The following P3H2 variants were observed in gnomAD, a reference collection of about 807,000 sequenced individuals.
P3H2 encodes leprecan-like 1.
Under a neutral mutation model 87.0 loss-of-function variants are expected in P3H2, and 80 were observed. The observed-to-expected ratio is 0.92, with a 90% confidence interval of 0.77 to 1.11. P3H2 has a LOEUF of 1.11. Ranked by LOEUF, P3H2 falls within the 50% of genes least tolerant of loss-of-function variation. The pLI is 0.00. For missense variants in P3H2, 1,001 were observed against 923.9 expected (o/e 1.08, Z -1.08); for synonymous variants, 367 against 359.3 (o/e 1.02, Z -0.24).
In P3H2 at chr3:189,957,919, T is replaced by C; in HGVS notation, c.2120A>G (p.Glu707Gly). ...GAACATTCTTTCTCATTTTTATAGC[T>C]CATCTTTAGGGTTGATATTCAGTTC... The part of the protein sequence containing the change: ...KHELNINPKD[E>G]L The change falls in exon 15 of 15, where the codon GAG becomes GGG. Residue 707 changes from glutamate (E) to glycine (G), a missense_variant. By Grantham distance (98) the Glu-to-Gly change is moderately conservative. Coordinates refer to ENST00000319332, the MANE Select transcript of P3H2 (RefSeq NM_018192.4). 1 of 1,595,570 alleles carries C rather than the reference T, an allele frequency of 6.3e-7. No individual in the cohort carries two copies. Among genetic ancestry groups the C allele is most frequent in the South Asian group, 1.1e-5 (1 of 90,684 alleles).
chr3:190,027,581 A>C (rs900435019), intron 1 of P3H2, among the ~76,000 whole-genome samples: 1 of 151,394 alleles, frequency 6.6e-6, no homozygotes, highest in Non-Finnish European at 1.5e-5. Flanking sequence ...AATAAAGTAG[A>C]TATTTAGATA....
chr3:189,964,207 A>G, intron 13 of P3H2, 109 bp from the exon 14 acceptor site: 2 of 1,003,514 alleles, frequency 2.0e-6, no homozygotes, highest in Non-Finnish European at 3.1e-6. Context: ...GAGGCGAAGA[A>G]TAAAGGAATC....
chr3:189,991,478 T>A (rs1723874882), intron 3 of P3H2, among the ~76,000 whole-genome samples: 1 of 152,262 alleles, frequency 6.6e-6, no homozygotes, highest in Admixed American at 6.5e-5. Context: ...TAGATGGATA[T>A]ATCATCTCCT....
At chr3:190,070,110 G>C (rs976534377) in intron 1 of P3H2, among the ~76,000 whole-genome samples, 5 of 152,168 alleles carry the variant, frequency 3.3e-5, no homozygotes, top group Non-Finnish European at 7.4e-5. Context: ...AGAAAAAAAG[G>C]ATAGTTCCAA....
intron 1 of P3H2, among the ~76,000 whole-genome samples, chr3:190,067,015 T>TTTTG (rs1553880554): frequency 6.8e-4 from 103 of 151,292 alleles, no homozygotes; most frequent in African/African-American, 2.3e-3. Context: ...TTCTTTCTTT[T>TTTTG]TTTTTTTTTT....
At chr3:190,025,666 C>A (rs1186274826) in intron 1 of P3H2, among the ~76,000 whole-genome samples, 5 of 151,984 alleles carry the variant, frequency 3.3e-5, no homozygotes, top group African/African-American at 9.7e-5. Flanking sequence ...TATATTGCAG[C>A]CCCAAAATAG....
chr3:190,028,522 C>T (rs532273308), intron 1 of P3H2, among the ~76,000 whole-genome samples: 6 of 152,282 alleles, frequency 3.9e-5, no homozygotes, highest in African/African-American at 9.6e-5. Flanking sequence ...ATCTGAGGGG[C>T]TCTCTCAGTA....
At chr3:189,977,990 A>AT (rs1723404921) in intron 8 of P3H2, among the ~76,000 whole-genome samples, 1 of 152,214 alleles carries the variant, frequency 6.6e-6, no homozygotes, top group Non-Finnish European at 1.5e-5. Context: ...TATGTAGCTG[A>AT]TTAAAGTTTG....
At chr3:190,112,242 T>A (rs577200262) in intron 1 of P3H2, among the ~76,000 whole-genome samples, 7 of 152,334 alleles carry the variant, frequency 4.6e-5, no homozygotes. Context: ...TTTACTTTGA[T>A]CAACTCGATT....
chr3:190,015,211 A>G (rs1724712644), intron 1 of P3H2, among the ~76,000 whole-genome samples: 5 of 152,120 alleles, frequency 3.3e-5, no homozygotes, highest in Admixed American at 3.3e-4. Flanking sequence ...ACGAAACCTC[A>G]CTATGTTGCC....
intron 1 of P3H2, among the ~76,000 whole-genome samples, chr3:190,068,471 A>G (rs1053664776): frequency 6.6e-6 from 1 of 152,178 alleles, no homozygotes; most frequent in African/African-American, 2.4e-5. Context: ...GTTACCCCAC[A>G]CCCTTTGTCT....
At chr3:190,011,111 T>A (rs1724572828) in intron 1 of P3H2, among the ~76,000 whole-genome samples, 1 of 152,076 alleles carries the variant, frequency 6.6e-6, no homozygotes, top group African/African-American at 2.4e-5. Context: ...TAGTCTCTAC[T>A]AAAAATACAA....
chr3:190,032,205 G>T (rs1006498748), intron 1 of P3H2, among the ~76,000 whole-genome samples: 1 of 152,024 alleles, frequency 6.6e-6, no homozygotes, highest in African/African-American at 2.4e-5. Context: ...AATGTTTATG[G>T]TAGCAGTGCC....
intron 1 of P3H2, among the ~76,000 whole-genome samples, chr3:190,016,659 CAT>C (rs1303422069): frequency 7.2e-5 from 11 of 152,176 alleles, no homozygotes; most frequent in African/African-American, 2.7e-4. Flanking sequence ...AAAACTCCAA[CAT>C]ATGTTTAATG....
chr3:190,052,899 T>C (rs1159682375), intron 1 of P3H2, among the ~76,000 whole-genome samples: 2 of 152,200 alleles, frequency 1.3e-5, no homozygotes, highest in Non-Finnish European at 2.9e-5. Flanking sequence ...CACTTTCAAA[T>C]TCATCTTTCT....
At chr3:190,040,074 C>A (rs920765529) in intron 1 of P3H2, among the ~76,000 whole-genome samples, 5 of 152,134 alleles carry the variant, frequency 3.3e-5, no homozygotes, top group African/African-American at 9.7e-5. Flanking sequence ...GCCTTTTAAT[C>A]TTTTTATATG....
At chr3:190,007,037 T>G (rs1021295139) in intron 1 of P3H2, among the ~76,000 whole-genome samples, 3 of 152,252 alleles carry the variant, frequency 2.0e-5, no homozygotes, top group Non-Finnish European at 2.9e-5. Context: ...CAAAAAGGGC[T>G]GTGAAAAGTA....
intron 1 of P3H2, among the ~76,000 whole-genome samples, chr3:190,003,145 G>A (rs1560357467): frequency 6.6e-6 from 1 of 152,118 alleles, no homozygotes; most frequent in Non-Finnish European, 1.5e-5. Flanking sequence ...AAGGAAGAAT[G>A]AACATGCTTT....
chr3:190,051,306 T>C (rs1560379665), intron 1 of P3H2, among the ~76,000 whole-genome samples: 1 of 152,070 alleles, frequency 6.6e-6, no homozygotes, highest in African/African-American at 2.4e-5. Context: ...ATAACATTTG[T>C]TTTTTCTCTA....
Sources: allele counts gnomAD v4.1 joint callset (sites outside exome capture counted in the v4.1 genomes callset), GRCh38; gene constraint gnomAD v4.1.1; transcripts MANE v1.5; gene names NCBI Gene and HGNC (gene_info 2026-07-23, HGNC 2026-07-21).